Variants in TTC21A observed in about 807,000 individuals in gnomAD.
TTC21A encodes the protein tetratricopeptide repeat protein 21A.
In TTC21A, 128 loss-of-function variants were observed where a neutral mutation model predicts 156.4. That is an observed-to-expected ratio of 0.82 (90% CI 0.71 to 0.95). TTC21A has a LOEUF of 0.95. Among genes scored for constraint, TTC21A ranks in the 40% least tolerant of loss-of-function variants. TTC21A has a pLI of 0.00. For missense variants in TTC21A, 1,435 were observed against 1,602.3 expected (o/e 0.90, Z 1.78); for synonymous variants, 587 against 617.1 (o/e 0.95, Z 0.72).
In TTC21A at chr3:39,131,028, G is replaced by A; in HGVS notation, c.2495G>A (p.Cys832Tyr). The change falls in exon 19 of 29, where the codon TGC becomes TAC. Residue 832 changes from cysteine (C) to tyrosine (Y), a missense_variant. Coordinates refer to ENST00000683103, the MANE Select transcript of TTC21A (RefSeq NM_001366900.1). ...CCATCCATGATGAATGATGTTAAGTGCCTGCTTTTGCTGGCAAAGGTTTAC... is the reference window on the plus strand; with the variant it reads ...CCATCCATGATGAATGATGTTAAGTACCTGCTTTTGCTGGCAAAGGTTTAC... The part of the protein sequence containing the change: ...DIPSMMNDVK[C>Y]LLLLAKVYKS... The A allele has an allele frequency of 6.2e-7, 1 of 1,613,856 alleles. No homozygotes were observed. Among genetic ancestry groups the A allele is most frequent in the Non-Finnish European group, 8.5e-7 (1 of 1,180,026 alleles).
intron 19 of TTC21A, among the ~76,000 whole-genome samples, chr3:39,132,471 ACT>A (rs1356809757): frequency 1.3e-5 from 2 of 151,870 alleles, no homozygotes; most frequent in Non-Finnish European, 2.9e-5. Flanking sequence ...GGGAGGGCCC[ACT>A]CTCTGACTGT....
intron 15 of TTC21A, 32 bp downstream of exon 15, chr3:39,129,342 C>T: frequency 6.7e-7 from 1 of 1,498,124 alleles, no homozygotes. Context: ...ATGACAGCTT[C>T]TTCTCCAATG....
chr3:39,134,549 G>A lies in TTC21A; in HGVS notation c.2862+221G>A, dbSNP rs1449821675. On this transcript the variant is annotated intron_variant, in intron 21 of 28. Transcript: ENST00000683103. The surrounding 1 kb of genome is among the most constrained non-coding windows in gnomAD (Gnocchi z 4.6). The stretch of plus-strand genomic sequence containing the variant: ...TGGGCAGCATCAATCTCCTGGGCCA[G>A]TCTAAGGTGGGGTGAGGTTGATTCA... 1 of 631,178 alleles carries A rather than the reference G, an allele frequency of 1.6e-6. No individual in the cohort carries two copies. Among genetic ancestry groups the A allele is most frequent in the Non-Finnish European group, 2.9e-6 (1 of 344,236 alleles). The allele number at this position is 631,178 out of a possible 1,614,324, so 39.1% of individuals were successfully genotyped here.
chr3:39,136,666 G>A (rs960157112), intron 23 of TTC21A, 159 bp downstream of exon 23: 2 of 1,057,536 alleles, frequency 1.9e-6, no homozygotes, highest in East Asian at 2.5e-5. Context: ...GGAACCCTGT[G>A]GAAGTCAGGG....
intron 9 of TTC21A, among the ~76,000 whole-genome samples, chr3:39,122,519 A>C (rs1380110633): frequency 6.6e-6 from 1 of 152,194 alleles, no homozygotes; most frequent in Admixed American, 6.5e-5. Context: ...TCCAGGAAAA[A>C]CAAAAACTAA....
rs761514770 is a variant in TTC21A at position 39,109,200 on chromosome 3, G to A, written c.143G>A (p.Gly48Glu). 6.2e-7 allele frequency: 1 copy of A among 1,613,848 alleles called. No individual in the cohort carries two copies. The highest frequency in any genetic ancestry group is 1.7e-5 in the Admixed American group (1 of 60,012). ...GTGTTGAAGTTCTTTAAAGCCTATG[G>A]AGTCCTCAAAGAAGGTAAGGACTTG... ...DPVLKFFKAY[G>E]VLKEEHIQDA... The change falls in exon 2 of 29, where the codon GGA (glycine) becomes GAA (glutamate). Residue 48 changes from glycine to glutamate, a missense_variant. Transcript: ENST00000683103.
chr3:39,116,476 G>GC (rs5848489), intron 6 of TTC21A, among the ~76,000 whole-genome samples: 15,385 of 150,276 alleles, frequency 0.1, 982 homozygotes, highest in Non-Finnish European at 0.13. Context: ...ATTAATTTCT[G>GC]CCCCCCCCTT....
chr3:39,138,693 A>C lies in TTC21A; in HGVS notation c.3865-18A>C. On this transcript the variant is annotated intron_variant, in intron 28 of 28. Coordinates refer to ENST00000683103, the MANE Select transcript of TTC21A (RefSeq NM_001366900.1). ...GAAACCTGCATGATACTGCACACCCATTCTCTCTCTGTTCCAGGTCCTCAG... is the reference window on the plus strand; with the variant it reads ...GAAACCTGCATGATACTGCACACCCCTTCTCTCTCTGTTCCAGGTCCTCAG... The C allele has an allele frequency of 6.2e-7, 1 of 1,614,086 alleles. No individual in the cohort carries two copies. Among genetic ancestry groups the C allele is most frequent in the Non-Finnish European group, 8.5e-7 (1 of 1,179,960 alleles).
Position 39,129,293 on chromosome 3 carries a change from C to T in TTC21A, c.2118C>T (p.Leu706=), listed in dbSNP as rs754626731. The change falls in exon 15 of 29, where the codon CTC becomes CTT. Residue 706 remains leucine, a synonymous_variant. Transcript: ENST00000683103. ...TGCAGACCCTCAGAGACAGGCGCCTCTACATCAGATGCTACCGGTAAGCCC... is the reference window on the plus strand; with the variant it reads ...TGCAGACCCTCAGAGACAGGCGCCTTTACATCAGATGCTACCGGTAAGCCC... ...IYLQTLRDRR[L]YIRCYRELCE... 6.2e-7 allele frequency: 1 copy of T among 1,613,946 alleles called. No individual in the cohort carries two copies. The highest frequency in any genetic ancestry group is 8.5e-7 in the Non-Finnish European group (1 of 1,179,782).
chr3:39,110,814 C>T (rs755318295), intron 3 of TTC21A, 37 bp from the exon 4 acceptor site: 2 of 1,611,778 alleles, frequency 1.2e-6, no homozygotes, highest in Non-Finnish European at 1.7e-6. Context: ...ACTTCCACAT[C>T]CTAACTCTCC....
chr3:39,138,543 A>T lies in TTC21A; in HGVS notation c.3797-13A>T. 6.2e-7 allele frequency: 1 copy of T among 1,614,130 alleles called. No homozygotes were observed. The highest frequency in any genetic ancestry group is 8.5e-7 in the Non-Finnish European group (1 of 1,179,994). On this transcript the variant is annotated splice_polypyrimidine_tract_variant and intron_variant, in intron 27 of 28. Coordinates refer to ENST00000683103, the MANE Select transcript of TTC21A (RefSeq NM_001366900.1). Reference sequence around the variant, plus strand: ...CAGGGTGCCACCATCTTTGCTCTCCATGTCCCCGGTAGGCTTCAAACTTGC... The same window carrying T: ...CAGGGTGCCACCATCTTTGCTCTCCTTGTCCCCGGTAGGCTTCAAACTTGC...
Position 39,126,286 on chromosome 3 carries a change from C to G in TTC21A, c.1418C>G (p.Ser473Cys). 6.2e-7 allele frequency: 1 copy of G among 1,614,120 alleles called. No homozygotes were observed. Among genetic ancestry groups the G allele is most frequent in the Non-Finnish European group, 8.5e-7 (1 of 1,180,010 alleles). The change falls in exon 12 of 29, where the codon TCT becomes TGT. Residue 473 changes from serine (S) to cysteine (C), a missense_variant. Physicochemically the swap from Ser to Cys is moderately radical, Grantham distance 112 (BLOSUM62 -1). Coordinates refer to ENST00000683103, the MANE Select transcript of TTC21A (RefSeq NM_001366900.1). ...KQPRLPGQIV[S>C]PLLKQVAVIL... is the part of the protein sequence containing the mutation. The stretch of plus-strand genomic sequence containing the variant: ...CCCAGGTTACCAGGCCAGATCGTGT[C>G]TCCACTTCTTAAACAAGTCGCCGTG...
chr3:39,133,030 C>G (rs754806074), intron 19 of TTC21A, 22 bp from the exon 20 acceptor site: 2 of 1,613,198 alleles, frequency 1.2e-6, no homozygotes, highest in South Asian at 2.2e-5. Flanking sequence ...GTTTCTGATC[C>G]TGGCTTGATT....
At chr3:39,114,796 T>G in intron 6 of TTC21A, 54 bp downstream of exon 6, 1 of 1,601,704 alleles carries the variant, frequency 6.2e-7, no homozygotes, top group Non-Finnish European at 8.5e-7. Context: ...TTTACCATCT[T>G]ATAAGCTGGG....
chr3:39,128,195 A>G, intron 12 of TTC21A, 136 bp from the exon 13 acceptor site: 2 of 995,548 alleles, frequency 2.0e-6, no homozygotes. Context: ...TGAGTGAAGC[A>G]GAACAAAACT....
rs1559707337 is a variant in TTC21A, at chr3:39,130,796, T to C, written c.2415T>C (p.Asn805=). The C allele has an allele frequency of 1.2e-6, 2 of 1,614,178 alleles. No homozygotes were observed. The highest frequency in any genetic ancestry group is 2.2e-5 in the East Asian group (1 of 44,888). The change falls in exon 18 of 29, where the codon AAT becomes AAC. Residue 805 remains asparagine (N), a synonymous_variant. Transcript: ENST00000683103. This position sits in a 1 kb window ranked among gnomAD's most constrained non-coding sequence, Gnocchi z 4.5. The stretch of plus-strand genomic sequence containing the variant: ...TGCTCCTGAAGTTAAAGAAGGTCAA[T>C]AAAGCAGAAAAAGTTTTGAAGCAGG... ...GKLLLKLKKV[N]KAEKVLKQAL...
In TTC21A at chr3:39,128,667, G is replaced by A. The variant is rs371329018; in HGVS notation, c.1681-50G>A. Reference sequence around the variant, plus strand: ...TCTGACCTGGCTGCTGTGAGCAGCAGCAGTAGCAGCAGTGAACTGGAGCCC... The same window carrying A: ...TCTGACCTGGCTGCTGTGAGCAGCAACAGTAGCAGCAGTGAACTGGAGCCC... On this transcript the variant is annotated intron_variant, in intron 13 of 28. Transcript: ENST00000683103. The A allele has an allele frequency of 4.4e-6, 7 of 1,592,424 alleles. No homozygotes were observed. The Admixed American group carries it at 1.2e-4, about 27-fold the overall frequency.
chr3:39,137,207 G>A lies in TTC21A; in HGVS notation c.3270G>A (p.Lys1090=), dbSNP rs2039186068. 3 of 1,612,946 alleles carry A rather than the reference G, an allele frequency of 1.9e-6. No individual in the cohort carries two copies. In the East Asian group the frequency reaches 6.7e-5, roughly 36 times the overall value. Residue 1090 remains lysine, a synonymous_variant, in exon 25 of 29, where the codon AAG becomes AAA. Transcript: ENST00000683103. ...CTAACACCTGCAGCTACATGGAGAA[G>A]AAGGAGTTGGAGCAGCAGGGTGTGA... The part of the protein sequence containing the change: ...NQGAESNYME[K]KELEQQGVST...
At position 39,108,168 on chromosome 3, in the gene TTC21A, C is replaced by A. The variant is rs571605819; in HGVS notation, c.27+304C>A. 929 of 564,946 alleles carry A rather than the reference C, an allele frequency of 1.6e-3. 8 individuals are homozygous for A. Among genetic ancestry groups the A allele is most frequent in the South Asian group, 4.5e-3 (196 of 43,954 alleles). The allele number at this position is 564,946 out of a possible 1,614,324, so 35.0% of individuals were successfully genotyped here. On this transcript the variant is annotated intron_variant, in intron 1 of 28. Coordinates refer to ENST00000683103, the MANE Select transcript of TTC21A (RefSeq NM_001366900.1). ...AGCTCACTCTCGCCTGCGCCTCCCA[C>A]CCCAGTTGATGGCTTCACCATTTAA...
Sources: gnomAD v4.1 joint callset for allele counts (sites outside exome capture counted in the v4.1 genomes callset) on GRCh38, gnomAD v4.1.1 for gene constraint, Gnocchi (gnomAD v3.1) non-coding constraint, MANE v1.5 for transcripts, NCBI Gene and HGNC (gene_info 2026-07-23, HGNC 2026-07-21) for gene names.